COL14A1: variants seen among roughly 807,000 people sequenced by gnomAD.
The protein encoded by COL14A1 is collagen type XIV alpha 1 chain.
Under a neutral mutation model 230.3 loss-of-function variants are expected in COL14A1, and 136 were observed. The ratio of observed to expected loss-of-function variants is 0.59; its 90% CI spans 0.51 to 0.68. The LOEUF (loss-of-function observed/expected upper bound fraction) is 0.68, where lower values mean the gene tolerates loss of function less well. Ranked by LOEUF, COL14A1 falls within the 30% of genes least tolerant of loss-of-function variation. The pLI is 0.00. For synonymous variants in COL14A1, 792 were observed against 784.1 expected (o/e 1.01, Z -0.17); for missense variants, 1,976 against 2,215.8 (o/e 0.89, Z 2.17).
chr8:120,358,874 T>C (rs2130356639), intron 45 of COL14A1, among the ~76,000 whole-genome samples: 1 of 152,270 alleles, frequency 6.6e-6, no homozygotes, highest in South Asian at 2.1e-4. Context: ...ATTATCAAAA[T>C]ATATTTTTAG....
chr8:120,357,802 A>G (rs1823037858), intron 45 of COL14A1, among the ~76,000 whole-genome samples: 1 of 152,152 alleles, frequency 6.6e-6, no homozygotes. Flanking sequence ...ATTCTTTTAA[A>G]TCATCCAAAT....
chr8:120,169,740 A>G (rs1816038506), intron 5 of COL14A1, among the ~76,000 whole-genome samples: 1 of 151,972 alleles, frequency 6.6e-6, no homozygotes. Flanking sequence ...TGGTTTTCTA[A>G]TATTTTAATA....
At chr8:120,198,710 G>A (rs947105200) in intron 7 of COL14A1, among the ~76,000 whole-genome samples, 1 of 152,144 alleles carries the variant, frequency 6.6e-6, no homozygotes, top group African/African-American at 2.4e-5. Flanking sequence ...TTGAATAGTG[G>A]ATATTCAACC....
intron 23 of COL14A1, among the ~76,000 whole-genome samples, chr8:120,260,728 C>T (rs1419619040): frequency 6.6e-6 from 1 of 152,094 alleles, no homozygotes; most frequent in South Asian, 2.1e-4. Context: ...TGCTCTGTGC[C>T]TACGAGGAAA....
chr8:120,320,518 C>A (rs1002342438), intron 40 of COL14A1, among the ~76,000 whole-genome samples: 3 of 152,112 alleles, frequency 2.0e-5, no homozygotes, highest in Non-Finnish European at 2.9e-5. Flanking sequence ...ACTTGAAATG[C>A]ACTTGAGAAA....
At chr8:120,330,835 G>T (rs1017106192) in intron 40 of COL14A1, among the ~76,000 whole-genome samples, 1 of 152,186 alleles carries the variant, frequency 6.6e-6, no homozygotes, top group African/African-American at 2.4e-5. Context: ...GTCGGGTGTG[G>T]TGGCTCATGC....
chr8:120,232,391 T>A (rs2130820477), intron 19 of COL14A1, among the ~76,000 whole-genome samples: 1 of 152,278 alleles, frequency 6.6e-6, no homozygotes, highest in East Asian at 1.9e-4. Context: ...CTACATTAAG[T>A]ATTTCTCCTA....
rs915158959 is a variant in COL14A1 at position 120,297,529 on chromosome 8, G to T, written c.4255G>T (p.Asp1419Tyr). The T allele has an allele frequency of 1.3e-5, 19 of 1,458,830 alleles. No homozygotes were observed. Among genetic ancestry groups the T allele is most frequent in the Non-Finnish European group, 1.7e-5 (19 of 1,107,382 alleles). The allele number at this position is 1,458,830 out of a possible 1,614,324, so 90.4% of individuals were successfully genotyped here. A position where few individuals can be genotyped will look rare whatever the true frequency, so the allele number is the denominator to read the frequency against. ...NSAPFQLQMF[D>Y]IVCSTSWANT... is the part of the protein sequence containing the mutation. Reference sequence around the variant, plus strand: ...ATCATAGTTCCAGTTACAGATGTTTGATATTGTTTGCTCCACATCATGGGC... The same window carrying T: ...ATCATAGTTCCAGTTACAGATGTTTTATATTGTTTGCTCCACATCATGGGC... Residue 1419 changes from aspartate to tyrosine, a missense_variant, in exon 35 of 48, where the codon GAT becomes TAT. By Grantham distance (160) the Asp-to-Tyr change is radical. Transcript: ENST00000297848.
At chr8:120,215,189 G>A (rs1455448173) in intron 13 of COL14A1, among the ~76,000 whole-genome samples, 2 of 152,166 alleles carry the variant, frequency 1.3e-5, no homozygotes, top group Admixed American at 6.5e-5. Flanking sequence ...GGCCAACATG[G>A]TGAAACCCCC....
chr8:120,305,106 G>A (rs1820819487), intron 36 of COL14A1, among the ~76,000 whole-genome samples: 1 of 151,848 alleles, frequency 6.6e-6, no homozygotes, highest in African/African-American at 2.4e-5. Context: ...AGCCTCCCGA[G>A]TAGCTGGGAT....
In COL14A1 at chr8:120,348,520, G is replaced by A. The variant is rs569158855; in HGVS notation, c.5077+2957G>A. On this transcript the variant is annotated intron_variant, in intron 45 of 47. Coordinates refer to ENST00000297848, the MANE Select transcript of COL14A1 (RefSeq NM_021110.4). ...ATAAGAATGATACAATGGACTTTGG[G>A]GACTCAGGGGGAAAGGGTGGGAAGT... 4.0e-3 allele frequency among the ~76,000 whole-genome samples: 610 copies of A among 152,032 alleles called. 4 individuals are homozygous for A. Among genetic ancestry groups the A allele is most frequent in the African/African-American group, 0.014 (573 of 41,452 alleles).
Position 120,210,969 on chromosome 8 carries a change from GA to G in COL14A1, c.1467+1078del, listed in dbSNP as rs1030301971. 1.8e-3 allele frequency among the ~76,000 whole-genome samples: 253 copies of G among 142,576 alleles called. 1 individual carries two copies. The highest frequency in any genetic ancestry group is 2.5e-3 in the Non-Finnish European group (161 of 64,832). The allele number at this position is 142,576 out of a possible 152,430, so 93.5% of individuals were successfully genotyped here. On this transcript the variant is annotated intron_variant, in intron 12 of 47. Transcript: ENST00000297848. ...AGATGCTCAGCCTCACTATGAAAGA[GA>G]AAAAAAAAAGGAATAGTAGTTTAAA... is the stretch of plus-strand genomic sequence containing the variant.
chr8:120,198,451 A>T (rs543076952), intron 7 of COL14A1, among the ~76,000 whole-genome samples: 1 of 152,218 alleles, frequency 6.6e-6, no homozygotes, highest in East Asian at 1.9e-4. Context: ...GAATATTTAC[A>T]TTATAATCAT....
At chr8:120,148,970 G>A (rs966838138) in intron 2 of COL14A1, among the ~76,000 whole-genome samples, 1 of 152,188 alleles carries the variant, frequency 6.6e-6, no homozygotes, top group African/African-American at 2.4e-5. Context: ...CATATTGTCT[G>A]TGGCTACTTT....
intron 34 of COL14A1, among the ~76,000 whole-genome samples, chr8:120,295,376 A>T (rs1349143222): frequency 2.6e-5 from 4 of 151,800 alleles, no homozygotes; most frequent in Non-Finnish European, 5.9e-5. Flanking sequence ...TACGTTATTT[A>T]AACTTTTTCT....
intron 12 of COL14A1, among the ~76,000 whole-genome samples, chr8:120,211,769 A>AT (rs1165966682): frequency 1.3e-5 from 2 of 152,236 alleles, no homozygotes; most frequent in East Asian, 1.9e-4. Context: ...TTGGAGATTT[A>AT]TTTTTTCCTT....
At chr8:120,162,366 C>A in intron 3 of COL14A1, 60 bp from the exon 4 acceptor site, 2 of 1,401,352 alleles carry the variant, frequency 1.4e-6, no homozygotes, top group Non-Finnish European at 1.9e-6. Flanking sequence ...AATAAAGTTT[C>A]TTAATGTACA....
At chr8:120,243,060 C>T (rs1051355464) in intron 19 of COL14A1, among the ~76,000 whole-genome samples, 1 of 152,148 alleles carries the variant, frequency 6.6e-6, no homozygotes, top group African/African-American at 2.4e-5. Flanking sequence ...TTAAATGGCC[C>T]GGTGATGGGC....
intron 4 of COL14A1, among the ~76,000 whole-genome samples, chr8:120,163,895 T>G (rs985825787): frequency 2.6e-5 from 4 of 152,204 alleles, no homozygotes; most frequent in African/African-American, 9.6e-5. Context: ...AGTGCCAGAC[T>G]GTTTTCTAGG....
Sources: gnomAD v4.1 joint callset for allele counts (sites outside exome capture counted in the v4.1 genomes callset) on GRCh38, gnomAD v4.1.1 for gene constraint, MANE v1.5 for transcripts, NCBI Gene and HGNC (gene_info 2026-07-23, HGNC 2026-07-21) for gene names.